Variants in POLR3B observed in about 807,000 individuals in gnomAD.
POLR3B encodes DNA-directed RNA polymerase III subunit RPC2.
Under a neutral mutation model 147.4 loss-of-function variants are expected in POLR3B, and 96 were observed. The observed-to-expected ratio is 0.65, with a 90% CI of 0.55 to 0.77. The LOEUF (loss-of-function observed/expected upper bound fraction) is 0.77. POLR3B is among the 30% of genes least tolerant of loss of function. The pLI is 0.00. For synonymous variants in POLR3B, 461 were observed against 485.9 expected, an observed-to-expected ratio of 0.95 and a Z score of 0.67; for missense variants, 1,036 against 1,413.5, an observed-to-expected ratio of 0.73 and a Z score of 4.28.
chr12:106,427,624 A>T (rs181821528), intron 13 of POLR3B, among the ~76,000 whole-genome samples: 16 of 152,350 alleles, frequency 1.1e-4, no homozygotes, highest in Admixed American at 5.9e-4. Flanking sequence ...GTTAATAACC[A>T]TTCTTTTAAA....
intron 19 of POLR3B, among the ~76,000 whole-genome samples, chr12:106,447,308 G>A (rs1250610041): frequency 6.6e-6 from 1 of 152,036 alleles, no homozygotes; most frequent in South Asian, 2.1e-4. Context: ...CTATCACTAC[G>A]AAGGAGACCA....
chr12:106,482,713 G>A lies in POLR3B; in HGVS notation c.2714-13342G>A, dbSNP rs138344929. Among the ~76,000 whole-genome samples the A allele has an allele frequency of 3.4e-4, 51 of 152,208 alleles. 1 individual carries two copies. In the East Asian group the frequency reaches 4.6e-3, roughly 14 times the overall value. ...ACTTAGGTAAGTATATTTTAGGTTC[G>A]TTGAGATTAGGAAACATGCCCTGCT... On this transcript the variant is annotated intron_variant, in intron 23 of 27. Transcript: ENST00000228347.
In POLR3B at chr12:106,504,779, G is replaced by A. The variant is rs973213162; in HGVS notation, c.3272+525G>A. Among the ~76,000 whole-genome samples, 4 of 152,204 alleles carry A rather than the reference G, an allele frequency of 2.6e-5. No individual in the cohort carries two copies. The highest frequency in any genetic ancestry group is 9.7e-5 in the African/African-American group (4 of 41,444). ...TGGCTAGCTGCTTCACACTTGTACT[G>A]TAGATTCTGTGAGGGCAGAAACCGG... On this transcript the variant is annotated intron_variant, in intron 27 of 27. Transcript: ENST00000228347. The surrounding 1 kb of genome is among the most constrained non-coding windows in gnomAD (Gnocchi z 4.6).
intron 6 of POLR3B, among the ~76,000 whole-genome samples, chr12:106,370,049 T>G (rs2036583478): frequency 6.6e-6 from 1 of 152,202 alleles, no homozygotes; most frequent in Non-Finnish European, 1.5e-5. Context: ...TACAAGTATT[T>G]AAGGGAGAAG....
chr12:106,460,811 T>C (rs969361116), intron 22 of POLR3B, among the ~76,000 whole-genome samples: 10 of 152,206 alleles, frequency 6.6e-5, no homozygotes, highest in Admixed American at 3.3e-4. Flanking sequence ...TTCCTATTGA[T>C]TCCTTCTCCA....
At chr12:106,363,388 A>G (rs914724254) in intron 1 of POLR3B, among the ~76,000 whole-genome samples, 7 of 152,104 alleles carry the variant, frequency 4.6e-5, no homozygotes, top group East Asian at 1.9e-4. Flanking sequence ...TTTTAACTCT[A>G]TCCCTCTAGT....
At chr12:106,369,860 T>C (rs1161120505) in intron 6 of POLR3B, among the ~76,000 whole-genome samples, 177 bp downstream of exon 6, 1 of 152,198 alleles carries the variant, frequency 6.6e-6, no homozygotes, top group Non-Finnish European at 1.5e-5. Flanking sequence ...TTACTATTTA[T>C]TAATTGTGAA....
At chr12:106,486,027 C>T (rs539111748) in intron 23 of POLR3B, among the ~76,000 whole-genome samples, 36 of 152,024 alleles carry the variant, frequency 2.4e-4, no homozygotes, top group Admixed American at 1.6e-3. Context: ...CGGTGGCTCA[C>T]GCCTGTAATC....
In POLR3B at chr12:106,479,833, G is replaced by A. The variant is rs182669910; in HGVS notation, c.2713+16213G>A. The stretch of plus-strand genomic sequence containing the variant: ...TCTTTTCTTTTCTTTTCTTTTCACA[G>A]TATCTTGCTCTGCTCTGTCACCCAG... On this transcript the variant is annotated intron_variant, in intron 23 of 27. Transcript: ENST00000228347. 5.4e-3 allele frequency among the ~76,000 whole-genome samples: 302 copies of A among 56,134 alleles called. 1 individual carries two copies. The highest frequency in any genetic ancestry group is 8.1e-3 in the Non-Finnish European group (234 of 28,870). 36.8% of individuals were successfully genotyped at this position (56,134 alleles called of 152,430 possible).
intron 12 of POLR3B, among the ~76,000 whole-genome samples, chr12:106,412,878 C>T (rs527387602): frequency 6.6e-6 from 1 of 152,236 alleles, no homozygotes; most frequent in South Asian, 2.1e-4. Flanking sequence ...TTGCATTTCC[C>T]TAAAAACTGA....
At chr12:106,366,067 C>T (rs1592999657) in intron 2 of POLR3B, among the ~76,000 whole-genome samples, 1 of 151,776 alleles carries the variant, frequency 6.6e-6, no homozygotes, top group African/African-American at 2.4e-5. Context: ...GCCGGAGGCT[C>T]TTCTTGAGGA....
chr12:106,427,374 C>T lies in POLR3B; in HGVS notation c.1263+16C>T. 1 of 1,608,404 alleles carries T rather than the reference C, an allele frequency of 6.2e-7. No individual in the cohort carries two copies. Among genetic ancestry groups the T allele is most frequent in the Non-Finnish European group, 8.5e-7 (1 of 1,174,986 alleles). On this transcript the variant is annotated intron_variant, in intron 13 of 27. Coordinates refer to ENST00000228347, the MANE Select transcript of POLR3B (RefSeq NM_018082.6). ...TATTTCTACCGTAAGTCTTCAGTCA[C>T]TCTTTTAGGATTTTGTAATTTATTT...
intron 9 of POLR3B, 129 bp from the exon 10 acceptor site, chr12:106,392,902 A>T (rs954129723): frequency 2.5e-5 from 29 of 1,159,090 alleles, no homozygotes; most frequent in Non-Finnish European, 3.2e-5. Flanking sequence ...GCCAGATGGC[A>T]CCATTTCTGA....
At chr12:106,399,969 A>T (rs2037039084) in intron 10 of POLR3B, among the ~76,000 whole-genome samples, 1 of 152,232 alleles carries the variant, frequency 6.6e-6, no homozygotes, top group South Asian at 2.1e-4. Flanking sequence ...GACAGATCAA[A>T]TTCACACATA....
rs115906925 is a variant in POLR3B, at chr12:106,360,111, C to T, written c.72+2160C>T. On this transcript the variant is annotated intron_variant, in intron 1 of 27. Coordinates refer to ENST00000228347, the MANE Select transcript of POLR3B (RefSeq NM_018082.6). ...AACTTCATTCCCACCGTTTTCCAGC[C>T]CAGAACGACTGTCCTCTCTTACTTC... is the stretch of plus-strand genomic sequence containing the variant. Among the ~76,000 whole-genome samples the T allele has an allele frequency of 4.5e-3, 692 of 152,334 alleles. 5 individuals are homozygous for T. The highest frequency in any genetic ancestry group is 0.016 in the African/African-American group (663 of 41,572).
At chr12:106,467,933 G>T (rs12368924) in intron 23 of POLR3B, among the ~76,000 whole-genome samples, 38,259 of 151,916 alleles carry the variant, frequency 0.25, 5,482 homozygotes, top group African/African-American at 0.38. Context: ...TTGTATCTCT[G>T]CCAGATTTGG....
intron 18 of POLR3B, among the ~76,000 whole-genome samples, chr12:106,439,679 T>G (rs1434546228): frequency 6.6e-6 from 1 of 152,122 alleles, no homozygotes; most frequent in Non-Finnish European, 1.5e-5. Context: ...TTTTTTGCAC[T>G]TTGTAAATAG....
chr12:106,509,305 A>G, intron 27 of POLR3B, 115 bp from the exon 28 acceptor site: 1 of 1,100,778 alleles, frequency 9.1e-7, no homozygotes, highest in Non-Finnish European at 1.4e-6. Context: ...TTAGGAATAG[A>G]AAGATAATTT....
In POLR3B at chr12:106,509,714, G is replaced by T; in HGVS notation, c.*165G>T. 1.6e-6 allele frequency: 1 copy of T among 612,476 alleles called. No individual in the cohort carries two copies. Among genetic ancestry groups the T allele is most frequent in the East Asian group, 3.1e-5 (1 of 31,808 alleles). The allele number at this position is 612,476 out of a possible 1,614,324, so 37.9% of individuals were successfully genotyped here. On this transcript the variant is annotated 3_prime_UTR_variant, in exon 28 of 28. Coordinates refer to ENST00000228347, the MANE Select transcript of POLR3B (RefSeq NM_018082.6). ...AGGCTTTTTATATACTCTAAGACTG[G>T]CTAAACAACCTTGATCATTGAGCCT...
Sources: allele counts gnomAD v4.1 joint callset (sites outside exome capture counted in the v4.1 genomes callset), GRCh38; gene constraint gnomAD v4.1.1; non-coding constraint Gnocchi (gnomAD v3.1); transcripts MANE v1.5; gene names NCBI Gene and HGNC (gene_info 2026-07-23, HGNC 2026-07-21).